NFIC: variants seen among roughly 807,000 people sequenced by gnomAD.
The protein encoded by NFIC is nuclear factor 1 C-type.
In NFIC, 12 loss-of-function variants were observed where a neutral mutation model predicts 54.4. That is an observed-to-expected ratio of 0.22 (90% CI 0.14 to 0.36). The LOEUF (loss-of-function observed/expected upper bound fraction) is 0.36, where lower values mean the gene tolerates loss of function less well. NFIC is among the 10% of genes least tolerant of loss of function. The pLI, the probability that NFIC is intolerant of heterozygous loss-of-function variation, is 1.00. For missense variants in NFIC, 575 were observed against 718.2 expected, an observed-to-expected ratio of 0.80 and a Z score of 2.28; for synonymous variants, 322 against 319.2, an observed-to-expected ratio of 1.01 and a Z score of -0.09.
chr19:3,440,916 T>C (rs2082284579), intron 6 of NFIC, among the ~76,000 whole-genome samples: 1 of 152,138 alleles, frequency 6.6e-6, no homozygotes, highest in Non-Finnish European at 1.5e-5. Flanking sequence ...ACTGGGCTCA[T>C]GCCATCCTCC....
intron 2 of NFIC, among the ~76,000 whole-genome samples, chr19:3,405,904 C>T (rs573990011): frequency 6.1e-5 from 9 of 147,088 alleles, no homozygotes; most frequent in Admixed American, 4.7e-4. Flanking sequence ...CGCCCGGCCC[C>T]TTTTTCTTTT....
chr19:3,406,434 C>T (rs2081650483), intron 2 of NFIC, among the ~76,000 whole-genome samples: 1 of 145,638 alleles, frequency 6.9e-6, no homozygotes, highest in East Asian at 1.9e-4. Flanking sequence ...CACTATGTTG[C>T]TCAAGCTGGT....
At chr19:3,393,505 C>T (rs1355764622) in intron 2 of NFIC, among the ~76,000 whole-genome samples, 1 of 151,988 alleles carries the variant, frequency 6.6e-6, no homozygotes, top group Non-Finnish European at 1.5e-5. Flanking sequence ...GAGTTCCAGA[C>T]CCAGGGGTCC....
chr19:3,364,842 G>T (rs891692691), upstream of NFIC, among the ~76,000 whole-genome samples: 1 of 152,164 alleles, frequency 6.6e-6, no homozygotes, highest in African/African-American at 2.4e-5. Flanking sequence ...GTGAATTTTA[G>T]ATTTCACCCT....
chr19:3,367,622 G>C (rs1381008464), intron 1 of NFIC, among the ~76,000 whole-genome samples: 1 of 152,212 alleles, frequency 6.6e-6, no homozygotes, highest in Non-Finnish European at 1.5e-5. Context: ...AGGCTCCCGG[G>C]GACCCCGAGG....
chr19:3,385,331 T>C (rs1170418195), intron 2 of NFIC, among the ~76,000 whole-genome samples: 1 of 151,194 alleles, frequency 6.6e-6, no homozygotes, highest in Non-Finnish European at 1.5e-5. Context: ...TCACTCACCC[T>C]CTCTGTGCTT....
intron 1 of NFIC, among the ~76,000 whole-genome samples, chr19:3,376,083 G>A (rs1320344396): frequency 2.0e-5 from 3 of 152,234 alleles, no homozygotes; most frequent in African/African-American, 4.8e-5. Context: ...CACAGAACAC[G>A]GAGCGGGGCC....
At chr19:3,428,163 C>T (rs1249219430) in intron 3 of NFIC, among the ~76,000 whole-genome samples, 1 of 128,800 alleles carries the variant, frequency 7.8e-6, no homozygotes, top group Admixed American at 8.0e-5. Context: ...AGAGTAAAAA[C>T]TCCGTCTCAA....
intron 1 of NFIC, among the ~76,000 whole-genome samples, chr19:3,381,170 G>T (rs1430557660): frequency 4.6e-5 from 7 of 152,046 alleles, no homozygotes; most frequent in African/African-American, 1.7e-4. Context: ...AGCCGAGGCG[G>T]GCGGATCAGA....
chr19:3,417,689 A>G (rs371249644), intron 2 of NFIC, among the ~76,000 whole-genome samples: 37 of 143,216 alleles, frequency 2.6e-4, no homozygotes, highest in Middle Eastern at 3.6e-3. Context: ...GCAGTGGCGC[A>G]ATCTCGGCTC....
At position 3,462,984 on chromosome 19, in the gene NFIC, C is replaced by A; in HGVS notation, c.*215C>A. 1 of 1,415,942 alleles carries A rather than the reference C, an allele frequency of 7.1e-7. No homozygotes were observed. The highest frequency in any genetic ancestry group is 9.2e-7 in the Non-Finnish European group (1 of 1,092,176). 87.7% of individuals were successfully genotyped at this position (1,415,942 alleles called of 1,614,324 possible). On this transcript the variant is annotated 3_prime_UTR_variant, in exon 11 of 11. Coordinates refer to ENST00000443272, the MANE Select transcript of NFIC (RefSeq NM_001245002.2). ...GAAGAAGAAGAAGAAGAAATAAAAACCCACCCAAGCAAGAAGACAAAAGGT... is the reference window on the plus strand; with the variant it reads ...GAAGAAGAAGAAGAAGAAATAAAAAACCACCCAAGCAAGAAGACAAAAGGT...
intron 6 of NFIC, among the ~76,000 whole-genome samples, chr19:3,438,812 A>G (rs1180610060): frequency 6.6e-6 from 1 of 152,092 alleles, no homozygotes; most frequent in Admixed American, 6.6e-5. Context: ...GGACACAGAG[A>G]TGATCCAACC....
intron 2 of NFIC, among the ~76,000 whole-genome samples, chr19:3,384,803 C>G (rs1045142699): frequency 2.0e-5 from 3 of 151,604 alleles, no homozygotes; most frequent in African/African-American, 4.8e-5. Flanking sequence ...GCACTGGGGA[C>G]GGTGGGGGCA....
In NFIC at chr19:3,369,792, G is replaced by A. The variant is rs913094801; in HGVS notation, c.30+3126G>A. Among the ~76,000 whole-genome samples the A allele has an allele frequency of 1.3e-5, 2 of 152,196 alleles. No individual in the cohort carries two copies. The highest frequency in any genetic ancestry group is 2.9e-5 in the Non-Finnish European group (2 of 68,030). On this transcript the variant is annotated intron_variant, in intron 1 of 10. Coordinates refer to ENST00000443272, the MANE Select transcript of NFIC (RefSeq NM_001245002.2). This position sits in a 1 kb window ranked among gnomAD's most constrained non-coding sequence, Gnocchi z 4.3. ...CGCCACCGCCACGTTAGTTATTCCG[G>A]GTTTGGGGCCAAGTCCCTCTTGGCC...
rs967001172 is a variant in NFIC at position 3,375,945 on chromosome 19, C to T, written c.31-5767C>T. Among the ~76,000 whole-genome samples, 1 of 152,108 alleles carries T rather than the reference C, an allele frequency of 6.6e-6. No homozygotes were observed. The highest frequency in any genetic ancestry group is 2.4e-5 in the African/African-American group (1 of 41,410). Reference sequence around the variant, plus strand: ...AGACCCCAATCTTACAGAGAACAGGCTGTTCTGAGAAAGGGACCCGTGGCC... The same window carrying T: ...AGACCCCAATCTTACAGAGAACAGGTTGTTCTGAGAAAGGGACCCGTGGCC... On this transcript the variant is annotated intron_variant, in intron 1 of 10. Transcript: ENST00000443272. The surrounding 1 kb of genome is among the most constrained non-coding windows in gnomAD (Gnocchi z 4.6).
chr19:3,463,453 G>A lies in NFIC; in HGVS notation c.*684G>A. On this transcript the variant is annotated 3_prime_UTR_variant, in exon 11 of 11. Coordinates refer to ENST00000443272, the MANE Select transcript of NFIC (RefSeq NM_001245002.2). The stretch of plus-strand genomic sequence containing the variant: ...GCGCTTGCGAGCCCTGGCCAGGGGA[G>A]GAAGTGAGGCCCAGGCACCTGCTGC... 3.0e-6 allele frequency: 3 copies of A among 985,462 alleles called. No homozygotes were observed. Among genetic ancestry groups the A allele is most frequent in the Non-Finnish European group, 3.6e-6 (3 of 830,010 alleles). The allele number at this position is 985,462 out of a possible 1,614,324, so 61.0% of individuals were successfully genotyped here. A position where few individuals can be genotyped will look rare whatever the true frequency, so the allele number is the denominator to read the frequency against.
At chr19:3,399,867 T>C (rs1325235707) in intron 2 of NFIC, among the ~76,000 whole-genome samples, 1 of 151,908 alleles carries the variant, frequency 6.6e-6, no homozygotes, top group Non-Finnish European at 1.5e-5. Flanking sequence ...CAAGACTCCA[T>C]CTCAAAAAAT....
intron 2 of NFIC, 79 bp from the exon 3 acceptor site, chr19:3,425,027 G>T: frequency 1.3e-6 from 2 of 1,487,014 alleles, no homozygotes; most frequent in South Asian, 1.2e-5. Context: ...CAGGACTGGG[G>T]CCACCAGCAT....
At chr19:3,372,833 CCA>C (rs1408448116) in intron 1 of NFIC, among the ~76,000 whole-genome samples, 2 of 151,632 alleles carry the variant, frequency 1.3e-5, no homozygotes, top group Non-Finnish European at 2.9e-5. Flanking sequence ...ATGATAGTCC[CCA>C]CTTTCATAGT....
Sources: allele counts gnomAD v4.1 joint callset (sites outside exome capture counted in the v4.1 genomes callset), GRCh38; gene constraint gnomAD v4.1.1; non-coding constraint Gnocchi (gnomAD v3.1); transcripts MANE v1.5; gene names NCBI Gene and HGNC (gene_info 2026-07-23, HGNC 2026-07-21).